PDE3A: variants seen among roughly 807,000 people sequenced by gnomAD.
The protein encoded by PDE3A is phosphodiesterase 3A, also known as cGMP-inhibited 3',5'-cyclic phosphodiesterase 3A.
In PDE3A, 43 loss-of-function variants were observed where a neutral mutation model predicts 98.3. The observed-to-expected ratio is 0.44, with a 90% CI of 0.34 to 0.56. The LOEUF is 0.56. PDE3A is among the 20% of genes least tolerant of loss of function. PDE3A has a pLI of 0.01. For synonymous variants in PDE3A, 663 were observed against 567.9 expected (o/e 1.17, Z -2.38); for missense variants, 1,427 against 1,440.7 (o/e 0.99, Z 0.15).
chr12:20,555,219 G>T (rs1283503279), intron 1 of PDE3A, among the ~76,000 whole-genome samples: 1 of 152,110 alleles, frequency 6.6e-6, no homozygotes, highest in Non-Finnish European at 1.5e-5. Context: ...AGACAGGGTT[G>T]ACCCGTCTGG....
intron 1 of PDE3A, among the ~76,000 whole-genome samples, chr12:20,391,166 C>T (rs1158456709): frequency 6.6e-6 from 1 of 151,754 alleles, no homozygotes; most frequent in African/African-American, 2.4e-5. Flanking sequence ...TAGAGACAAT[C>T]TAGGCTGTCG....
intron 2 of PDE3A, among the ~76,000 whole-genome samples, chr12:20,571,641 G>A (rs1386221394): frequency 6.6e-6 from 1 of 152,002 alleles, no homozygotes; most frequent in Non-Finnish European, 1.5e-5. Context: ...CAAATATCCT[G>A]TACTCTGGGT....
At position 20,369,585 on chromosome 12, in the gene PDE3A, G is replaced by A. The variant is rs1160002297; in HGVS notation, c.301G>A (p.Glu101Lys). Reference sequence around the variant, plus strand: ...TAAGGAGGCGGCGGCGGCGGAGGAGGAGGAAGCAGCCCCGGGAGCAGAAGG... The same window carrying A: ...TAAGGAGGCGGCGGCGGCGGAGGAGAAGGAAGCAGCCCCGGGAGCAGAAGG... The part of the protein sequence containing the change: ...QCKEAAAAEE[E>K]EAAPGAEGGV... Residue 101 changes from glutamate (E) to lysine (K), a missense_variant, in exon 1 of 16, where the codon GAG (glutamate) becomes AAG (lysine). Around this residue, in one of 3 missense-constraint regions of PDE3A, gnomAD observed 1,012 missense variants for 886.5 expected, o/e 1.14. Coordinates refer to ENST00000359062, the MANE Select transcript of PDE3A (RefSeq NM_000921.5). 1.3e-6 allele frequency: 2 copies of A among 1,558,590 alleles called. No homozygotes were observed. The highest frequency in any genetic ancestry group is 3.8e-5 in the Admixed American group (2 of 52,052).
At chr12:20,550,168 G>T (rs140359237) in intron 1 of PDE3A, among the ~76,000 whole-genome samples, 1 of 152,120 alleles carries the variant, frequency 6.6e-6, no homozygotes, top group East Asian at 1.9e-4. Flanking sequence ...ACTTGTGTTT[G>T]TAAGATTTAT....
chr12:20,611,295 A>C (rs1434435105), intron 2 of PDE3A, among the ~76,000 whole-genome samples: 2 of 151,952 alleles, frequency 1.3e-5, no homozygotes, highest in African/African-American at 4.8e-5. Context: ...TATTACACTT[A>C]AATTTTCATA....
At chr12:20,644,351 C>A (rs759165907) in intron 10 of PDE3A, among the ~76,000 whole-genome samples, 1 of 152,158 alleles carries the variant, frequency 6.6e-6, no homozygotes, top group Non-Finnish European at 1.5e-5. Context: ...TACAAATTCA[C>A]CGTGTATCTG....
chr12:20,614,510 G>A (rs190392679), intron 3 of PDE3A, among the ~76,000 whole-genome samples: 3 of 152,270 alleles, frequency 2.0e-5, no homozygotes, highest in Admixed American at 2.0e-4. Context: ...TCTCAGGAAT[G>A]TGATCTTCAT....
rs149166491 is a variant in PDE3A at position 20,606,597 on chromosome 12, G to A, written c.1012-6846G>A. On this transcript the variant is annotated intron_variant, in intron 2 of 15. Transcript: ENST00000359062. ...AAATTGGCCGGGTGCGGTGGCTCAC[G>A]CTTATAATCCCAGGACTTTGGGAGG... Among the ~76,000 whole-genome samples, 1,263 of 151,732 alleles carry A rather than the reference G, an allele frequency of 8.3e-3. 16 individuals are homozygous for A. The highest frequency in any genetic ancestry group is 0.029 in the African/African-American group (1,201 of 41,350).
intron 1 of PDE3A, among the ~76,000 whole-genome samples, chr12:20,401,209 A>C (rs181998666): frequency 6.6e-6 from 1 of 152,290 alleles, no homozygotes; most frequent in African/African-American, 2.4e-5. Flanking sequence ...TAACTTCTCA[A>C]CTGGTCTCCC....
At chr12:20,581,635 C>T (rs1485846949) in intron 2 of PDE3A, among the ~76,000 whole-genome samples, 5 of 126,812 alleles carry the variant, frequency 3.9e-5, no homozygotes, top group East Asian at 4.6e-4. Context: ...TTTTTTGAGA[C>T]GGAGTCTCGC....
At chr12:20,535,792 T>C (rs917888357) in intron 1 of PDE3A, among the ~76,000 whole-genome samples, 2 of 152,156 alleles carry the variant, frequency 1.3e-5, no homozygotes, top group Admixed American at 6.5e-5. Flanking sequence ...AAGGGTAACA[T>C]ATTGGTCAAA....
In PDE3A at chr12:20,670,030, A is replaced by AG. The variant is rs1945429312; in HGVS notation, c.3185-10000_3185-9999insG. 2.6e-5 allele frequency among the ~76,000 whole-genome samples: 4 copies of AG among 151,154 alleles called. No homozygotes were observed. The South Asian group carries it at 8.4e-4, about 32-fold the overall frequency. ...CTACCAAGCAAATGGAAAACAAAAA[A>AG]AGGCAGGGATTGCAATCCTAGTCTC... On this transcript the variant is annotated intron_variant, in intron 15 of 15. Transcript: ENST00000359062.
At chr12:20,516,928 A>G (rs1437774051) in intron 1 of PDE3A, among the ~76,000 whole-genome samples, 3 of 152,192 alleles carry the variant, frequency 2.0e-5, no homozygotes, top group Non-Finnish European at 2.9e-5. Flanking sequence ...TTTTCTCCCA[A>G]TACAAATTAT....
chr12:20,522,222 T>C (rs1238990063), intron 1 of PDE3A, among the ~76,000 whole-genome samples: 1 of 152,134 alleles, frequency 6.6e-6, no homozygotes, highest in Admixed American at 6.5e-5. Context: ...ACAGTGACCA[T>C]CAACACAAGG....
At chr12:20,550,819 C>G (rs190362832) in intron 1 of PDE3A, among the ~76,000 whole-genome samples, 1 of 151,934 alleles carries the variant, frequency 6.6e-6, no homozygotes, top group East Asian at 1.9e-4. Context: ...TTATAAAGGC[C>G]TTGGAAGCCA....
intron 5 of PDE3A, among the ~76,000 whole-genome samples, chr12:20,626,194 T>A (rs1944259723): frequency 6.8e-6 from 1 of 147,694 alleles, no homozygotes; most frequent in South Asian, 2.1e-4. Flanking sequence ...TCTTTCTGTA[T>A]CTGAAATAAT....
rs971804601 is a variant in PDE3A at position 20,369,030 on chromosome 12, G to T, written c.-255G>T. ...AGGGGAATCCTGATCGTTTCTGCCC[G>T]TGCTTGTTTTCAACTTGAGCGTGCT... is the stretch of plus-strand genomic sequence containing the variant. On this transcript the variant is annotated 5_prime_UTR_variant, in exon 1 of 16. Coordinates refer to ENST00000359062, the MANE Select transcript of PDE3A (RefSeq NM_000921.5). 6.6e-6 allele frequency among the ~76,000 whole-genome samples: 1 copy of T among 152,184 alleles called. No homozygotes were observed. Among genetic ancestry groups the T allele is most frequent in the Non-Finnish European group, 1.5e-5 (1 of 68,036 alleles).
intron 2 of PDE3A, among the ~76,000 whole-genome samples, chr12:20,589,246 G>T (rs1236797099): frequency 6.6e-6 from 1 of 151,740 alleles, no homozygotes; most frequent in East Asian, 1.9e-4. Context: ...TTTTTATAAT[G>T]TACTTATTTC....
Position 20,369,180 on chromosome 12 carries a change from A to AACGT in PDE3A, c.-105_-104insACGT, listed in dbSNP as rs138187101. On this transcript the variant is annotated 5_prime_UTR_variant, in exon 1 of 16. Coordinates refer to ENST00000359062, the MANE Select transcript of PDE3A (RefSeq NM_000921.5). ...GGATTCCGAGGGTGGAATTGGGAAG[A>AACGT]GCGTGCGTGCGTGTGTGTGTGTGTG... The AACGT allele has an allele frequency of 9.7e-5, 61 of 626,960 alleles. No individual in the cohort carries two copies. In the South Asian group the frequency reaches 1.4e-3, roughly 14 times the overall value. The allele number at this position is 626,960 out of a possible 1,614,324, so 38.8% of individuals were successfully genotyped here.
Sources: gnomAD v4.1 joint callset for allele counts (sites outside exome capture counted in the v4.1 genomes callset) on GRCh38, gnomAD v4.1.1 for gene constraint, gnomAD v4.1.1 regional missense constraint, MANE v1.5 for transcripts, NCBI Gene and HGNC (gene_info 2026-07-23, HGNC 2026-07-21) for gene names.